The following PANK4 variants were observed in gnomAD, a reference collection of about 807,000 sequenced individuals.
The protein encoded by PANK4 is pantothenate kinase 4 (inactive).
PANK4 carries 40 observed loss-of-function variants against 87.9 expected under a neutral mutation model. That is an observed-to-expected ratio of 0.46 (90% CI 0.35 to 0.59). PANK4 has a LOEUF of 0.59. Among genes scored for constraint, PANK4 ranks in the 20% least tolerant of loss-of-function variants. The pLI, the probability that PANK4 is intolerant of heterozygous loss-of-function variation, is 0.00. For synonymous variants in PANK4, 524 were observed against 467.4 expected, an observed-to-expected ratio of 1.12 and a Z score of -1.56; for missense variants, 926 against 1,072.3, an observed-to-expected ratio of 0.86 and a Z score of 1.90.
rs751287919 is a variant in PANK4, at chr1:2,512,998, G to A, written c.1617C>T (p.Pro539=). 38 of 1,610,644 alleles carry A rather than the reference G, an allele frequency of 2.4e-5. No homozygotes were observed. Among genetic ancestry groups the A allele is most frequent in the East Asian group, 4.5e-5 (2 of 44,824 alleles). ...RENGVALRCF[P]GVVRSLDALG... ...GCGCGTCCAGGGAGCGCACGACCCC[G>A]GGGAAGCACCTCAGCGCCACGCCAT... Residue 539 remains proline, a synonymous_variant, in exon 13 of 19, where the codon CCC becomes CCT. Transcript: ENST00000378466.
At chr1:2,518,114 G>A (rs1488648952) in intron 9 of PANK4, 50 bp downstream of exon 9, 6 of 1,160,646 alleles carry the variant, frequency 5.2e-6, no homozygotes, top group East Asian at 2.4e-5. Flanking sequence ...AGGTGAGTGC[G>A]GCATAGGCTG....
intron 1 of PANK4, chr1:2,525,947 C>T (rs1298646940): frequency 6.6e-6 from 1 of 152,232 alleles, no homozygotes; most frequent in East Asian, 1.9e-4. Flanking sequence ...GGCCCGCGGG[C>T]CACAGCTGGC....
chr1:2,511,333 C>T lies in PANK4; in HGVS notation c.1833+5G>A. 6.2e-7 allele frequency: 1 copy of T among 1,605,372 alleles called. No homozygotes were observed. Among genetic ancestry groups the T allele is most frequent in the South Asian group, 1.1e-5 (1 of 90,938 alleles). On this transcript the variant is annotated splice_donor_5th_base_variant and intron_variant, in intron 15 of 18. Coordinates refer to ENST00000378466, the MANE Select transcript of PANK4 (RefSeq NM_018216.4). ...GCAGCAGAGGTGGGAGGCCCCTCCA[C>T]ATACCTTTAATCTCTGAAGCCACTC...
In PANK4 at chr1:2,512,104, G is replaced by A. The variant is rs192902016; in HGVS notation, c.1728-421C>T. On this transcript the variant is annotated intron_variant, in intron 13 of 18. Transcript: ENST00000378466. ...GGAAGCCTCTCGGTGACTGGCAGCC[G>A]CAGTATGGTCCCTGTGCTTGGCACC... 9.4e-4 allele frequency among the ~76,000 whole-genome samples: 143 copies of A among 152,312 alleles called. 1 individual carries two copies. The highest frequency in any genetic ancestry group is 2.4e-3 in the Admixed American group (36 of 15,308).
chr1:2,524,390 A>T (rs1019575419), intron 1 of PANK4, among the ~76,000 whole-genome samples: 1 of 152,222 alleles, frequency 6.6e-6, no homozygotes, highest in Non-Finnish European at 1.5e-5. Context: ...CCCCACCCTG[A>T]GCGTGGCCTC....
At chr1:2,513,731 C>T (rs1643706863) in intron 12 of PANK4, among the ~76,000 whole-genome samples, 1 of 152,212 alleles carries the variant, frequency 6.6e-6, no homozygotes, top group Non-Finnish European at 1.5e-5. Flanking sequence ...GGAACACATC[C>T]AAACTGGGGT....
In PANK4 at chr1:2,518,182, C is replaced by G. The variant is rs139298917; in HGVS notation, c.1200G>C (p.Gln400His). The G allele has an allele frequency of 1.4e-4, 226 of 1,607,722 alleles. No individual in the cohort carries two copies. The African/African-American group carries it at 2.7e-3, about 19-fold the overall frequency. Residue 400 changes from glutamine (Q) to histidine (H), a missense_variant, in exon 9 of 19, where the codon CAG becomes CAC. Gln to His is a conservative substitution (Grantham distance 24). Coordinates refer to ENST00000378466, the MANE Select transcript of PANK4 (RefSeq NM_018216.4). ...MSASPELGPA[Q>H]RARSGTFDLL... ...TACTCACAGTGCCACTCCGCGCCCG[C>G]TGCGCCGGGCCGAGCTCGGGTGATG...
rs200354749 is a variant in PANK4 at position 2,515,733 on chromosome 1, T to C, written c.1219-16A>G. ...GCAAGTCAAACTGGAAGACAGGCAG[T>C]GGCAGGGTGGAAACGTCACCATGGT... On this transcript the variant is annotated splice_polypyrimidine_tract_variant and intron_variant, in intron 9 of 18. Transcript: ENST00000378466. This position sits in a 1 kb window ranked among gnomAD's most constrained non-coding sequence, Gnocchi z 5.0. The C allele has an allele frequency of 1.1e-5, 18 of 1,611,430 alleles. No individual in the cohort carries two copies. The highest frequency in any genetic ancestry group is 4.0e-5 in the African/African-American group (3 of 74,994).
At chr1:2,512,518 T>A in intron 13 of PANK4, 1 of 223,824 alleles carries the variant, frequency 4.5e-6, no homozygotes, top group Non-Finnish European at 8.9e-6. Flanking sequence ...GGGGACTGCT[T>A]TGCAAAGCAC....
In PANK4 at chr1:2,515,752, C is replaced by A. The variant is rs1368675906; in HGVS notation, c.1219-35G>T. On this transcript the variant is annotated intron_variant, in intron 9 of 18. Transcript: ENST00000378466. This position sits in a 1 kb window ranked among gnomAD's most constrained non-coding sequence, Gnocchi z 5.0. ...AGGCAGTGGCAGGGTGGAAACGTCACCATGGTTCAGAACGACCCAAGCCAC... is the reference window on the plus strand; with the variant it reads ...AGGCAGTGGCAGGGTGGAAACGTCAACATGGTTCAGAACGACCCAAGCCAC... 1 of 1,602,442 alleles carries A rather than the reference C, an allele frequency of 6.2e-7. No homozygotes were observed. The highest frequency in any genetic ancestry group is 1.1e-5 in the South Asian group (1 of 90,190).
intron 2 of PANK4, 21 bp downstream of exon 2, chr1:2,521,697 G>A: frequency 1.3e-6 from 2 of 1,599,308 alleles, no homozygotes; most frequent in Non-Finnish European, 1.7e-6. Context: ...CCTGCCCCGG[G>A]TGGCCACAGT....
intron 13 of PANK4, chr1:2,512,644 T>C (rs1328699775): frequency 1.8e-6 from 1 of 549,726 alleles, no homozygotes; most frequent in Non-Finnish European, 3.2e-6. Flanking sequence ...CTTAGGCCTC[T>C]GCGGCACCCA....
intron 11 of PANK4, 93 bp from the exon 12 acceptor site, chr1:2,514,182 C>A (rs1468478074): frequency 8.1e-7 from 1 of 1,227,158 alleles, no homozygotes; most frequent in Non-Finnish European, 1.2e-6. Flanking sequence ...TCCTCAGGAG[C>A]CCGGCAGTGC....
intron 13 of PANK4, 21 bp from the exon 14 acceptor site, chr1:2,511,704 G>A: frequency 6.6e-7 from 1 of 1,523,390 alleles, no homozygotes. Context: ...GAGGAGAAAA[G>A]AAAATTAAGA....
intron 2 of PANK4, 34 bp downstream of exon 2, chr1:2,521,684 T>C: frequency 1.9e-6 from 3 of 1,542,266 alleles, no homozygotes; most frequent in Non-Finnish European, 2.7e-6. Flanking sequence ...GAGAAGCGGC[T>C]GCCCTGCCCC....
At position 2,509,696 on chromosome 1, in the gene PANK4, G is replaced by A. The variant is rs1285625454; in HGVS notation, c.2108+166C>T. 28 of 648,392 alleles carry A rather than the reference G, an allele frequency of 4.3e-5. No homozygotes were observed. Among genetic ancestry groups the A allele is most frequent in the East Asian group, 3.8e-4 (14 of 36,560 alleles). 40.2% of individuals were successfully genotyped at this position (648,392 alleles called of 1,614,324 possible). A position where few individuals can be genotyped will look rare whatever the true frequency, so the allele number is the denominator to read the frequency against. ...CATTCACCCTCCCCAGGCCACCTTCGGGGATGGCATATCTGTCCCCTCCTG... is the reference window on the plus strand; with the variant it reads ...CATTCACCCTCCCCAGGCCACCTTCAGGGATGGCATATCTGTCCCCTCCTG... On this transcript the variant is annotated intron_variant, in intron 18 of 18. Transcript: ENST00000378466. The surrounding 1 kb of genome is among the most constrained non-coding windows in gnomAD (Gnocchi z 4.9).
chr1:2,515,243 GCACCTCAGTCA>G lies in PANK4; in HGVS notation c.1374+308_1374+318del. 1.9e-6 allele frequency: 1 copy of G among 526,932 alleles called. No individual in the cohort carries two copies. Among genetic ancestry groups the G allele is most frequent in the South Asian group, 1.6e-5 (1 of 64,182 alleles). 32.6% of individuals were successfully genotyped at this position (526,932 alleles called of 1,614,324 possible). A position where few individuals can be genotyped will look rare whatever the true frequency, so the allele number is the denominator to read the frequency against. On this transcript the variant is annotated intron_variant, in intron 10 of 18. Transcript: ENST00000378466. This position sits in a 1 kb window ranked among gnomAD's most constrained non-coding sequence, Gnocchi z 5.0. Reference sequence around the variant, plus strand: ...GAGTCAGGGTCCCACAATGCCTCCCGCACCTCAGTCACACCTCAAAAGAGCAGAGACGTCTC... The same window carrying G: ...GAGTCAGGGTCCCACAATGCCTCCCGCACCTCAAAAGAGCAGAGACGTCTC...
At chr1:2,511,222 A>G in intron 15 of PANK4, 116 bp downstream of exon 15, 1 of 729,748 alleles carries the variant, frequency 1.4e-6, no homozygotes, top group Non-Finnish European at 2.5e-6. Context: ...GGATGGTGAG[A>G]CTCTAACAGG....
chr1:2,511,017 G>A (rs976026654), intron 15 of PANK4, among the ~76,000 whole-genome samples: 2 of 151,856 alleles, frequency 1.3e-5, no homozygotes, highest in African/African-American at 2.4e-5. Context: ...GGACCCCAGA[G>A]GCACCGGGAC....
Sources: allele counts gnomAD v4.1 joint callset (sites outside exome capture counted in the v4.1 genomes callset), GRCh38; gene constraint gnomAD v4.1.1; non-coding constraint Gnocchi (gnomAD v3.1); transcripts MANE v1.5; gene names NCBI Gene and HGNC (gene_info 2026-07-23, HGNC 2026-07-21).